The following GPC6 variants were observed in gnomAD, a reference collection of about 807,000 sequenced individuals.
The protein encoded by GPC6 is glypican-6.
GPC6 carries 14 observed loss-of-function variants against 55.2 expected under a neutral mutation model. That is an observed-to-expected ratio of 0.25 (90% CI 0.17 to 0.40). The LOEUF (loss-of-function observed/expected upper bound fraction) is 0.40, where lower values mean the gene tolerates loss of function less well. Ranked by LOEUF, GPC6 falls within the 10% of genes least tolerant of loss-of-function variation. GPC6 has a pLI of 1.00. For missense variants in GPC6, 641 were observed against 708.5 expected, an observed-to-expected ratio of 0.90 and a Z score of 1.08; for synonymous variants, 278 against 259.6, an observed-to-expected ratio of 1.07 and a Z score of -0.68.
At chr13:94,010,956 GCAT>G in intron 3 of GPC6, among the ~76,000 whole-genome samples, 1 of 152,226 alleles carries the variant, frequency 6.6e-6, no homozygotes. Context: ...ATGGACAAGA[GCAT>G]CATATCTGAA....
intron 1 of GPC6, among the ~76,000 whole-genome samples, chr13:93,370,421 A>G (rs189633665): frequency 1.3e-5 from 2 of 152,280 alleles, no homozygotes; most frequent in East Asian, 3.9e-4. Context: ...ACTTGTTAGA[A>G]TCATTGATTT....
intron 1 of GPC6, among the ~76,000 whole-genome samples, chr13:93,537,529 A>G (rs1882108595): frequency 6.7e-6 from 1 of 149,134 alleles, no homozygotes; most frequent in African/African-American, 2.5e-5. Context: ...CCTCTTATCT[A>G]GTCATTTTGT....
chr13:93,799,934 T>C (rs1024100948), intron 2 of GPC6, among the ~76,000 whole-genome samples: 1 of 152,138 alleles, frequency 6.6e-6, no homozygotes, highest in African/African-American at 2.4e-5. Context: ...TACAGAACAT[T>C]TGCATGTGGT....
chr13:94,072,587 C>T (rs1020677534), intron 4 of GPC6, among the ~76,000 whole-genome samples: 3 of 152,208 alleles, frequency 2.0e-5, no homozygotes, highest in Non-Finnish European at 4.4e-5. Flanking sequence ...CTCCTGACCT[C>T]GTGATCTGCC....
At chr13:93,997,634 G>A (rs1018542339) in intron 3 of GPC6, among the ~76,000 whole-genome samples, 2 of 151,206 alleles carry the variant, frequency 1.3e-5, no homozygotes, top group East Asian at 4.1e-4. Context: ...TAAAACCTAG[G>A]AAACTACCAA....
intron 4 of GPC6, among the ~76,000 whole-genome samples, chr13:94,260,919 T>C (rs1304592590): frequency 6.6e-6 from 1 of 151,878 alleles, no homozygotes; most frequent in Non-Finnish European, 1.5e-5. Flanking sequence ...AGAACTAAAA[T>C]AGTGGGTGTA....
At chr13:93,757,284 T>C (rs1884804962) in intron 2 of GPC6, among the ~76,000 whole-genome samples, 1 of 152,054 alleles carries the variant, frequency 6.6e-6, no homozygotes, top group Non-Finnish European at 1.5e-5. Flanking sequence ...ACAGTGGGAA[T>C]GGGAGATTGG....
rs886944973 is a variant in GPC6, at chr13:93,489,378, G to A, written c.161-55885G>A. 1.6e-4 allele frequency among the ~76,000 whole-genome samples: 24 copies of A among 151,460 alleles called. 1 individual carries two copies. The highest frequency in any genetic ancestry group is 1.3e-3 in the East Asian group (6 of 4,540). On this transcript the variant is annotated intron_variant, in intron 1 of 8. Coordinates refer to ENST00000377047, the MANE Select transcript of GPC6 (RefSeq NM_005708.5). Reference sequence around the variant, plus strand: ...ATGCTGTTTTGGTTACTGTAGCCTTGTAGTATAGTTTAAAGACAGGTAGTG... The same window carrying A: ...ATGCTGTTTTGGTTACTGTAGCCTTATAGTATAGTTTAAAGACAGGTAGTG...
intron 1 of GPC6, among the ~76,000 whole-genome samples, chr13:93,267,569 T>C (rs1166427112): frequency 6.6e-6 from 1 of 152,154 alleles, no homozygotes; most frequent in Non-Finnish European, 1.5e-5. Context: ...TGATCTTATA[T>C]AAGTGAAGGC....
chr13:93,717,045 T>C (rs1322330085), intron 2 of GPC6, among the ~76,000 whole-genome samples: 3 of 151,566 alleles, frequency 2.0e-5, no homozygotes, highest in East Asian at 1.9e-4. Flanking sequence ...GGCTACACCA[T>C]CTAGGTTTAT....
At chr13:93,290,646 C>A (rs138946468) in intron 1 of GPC6, among the ~76,000 whole-genome samples, 391 of 152,216 alleles carry the variant, frequency 2.6e-3, no homozygotes, top group Non-Finnish European at 4.7e-3. Flanking sequence ...AAATGCATTT[C>A]ACACCAGACT....
intron 1 of GPC6, among the ~76,000 whole-genome samples, chr13:93,299,202 TAAG>T (rs1878594651): frequency 6.6e-6 from 1 of 152,154 alleles, no homozygotes; most frequent in African/African-American, 2.4e-5. Flanking sequence ...CAAAAATATC[TAAG>T]GAGGGGAATT....
intron 1 of GPC6, among the ~76,000 whole-genome samples, chr13:93,281,659 C>A (rs938534303): frequency 8.6e-5 from 13 of 151,710 alleles, no homozygotes; most frequent in Non-Finnish European, 1.3e-4. Flanking sequence ...GCCAAAGATA[C>A]AAAAAAAATT....
chr13:93,759,678 C>T (rs1398436163), intron 2 of GPC6, among the ~76,000 whole-genome samples: 2 of 152,074 alleles, frequency 1.3e-5, no homozygotes, highest in African/African-American at 4.8e-5. Context: ...TCCTAAATAT[C>T]TTATTTTCAG....
Position 93,912,697 on chromosome 13 carries a change from T to A in GPC6, c.711+82152T>A, listed in dbSNP as rs557091578. Among the ~76,000 whole-genome samples, 4 of 152,134 alleles carry A rather than the reference T, an allele frequency of 2.6e-5. No individual in the cohort carries two copies. The South Asian group carries it at 8.3e-4, about 32-fold the overall frequency. ...GGCAGAGCTTGCAGTGAGCCGAGATTGCGCCACTGCACTCCAGCCTGGGCG... is the reference window on the plus strand; with the variant it reads ...GGCAGAGCTTGCAGTGAGCCGAGATAGCGCCACTGCACTCCAGCCTGGGCG... On this transcript the variant is annotated intron_variant, in intron 3 of 8. Coordinates refer to ENST00000377047, the MANE Select transcript of GPC6 (RefSeq NM_005708.5).
intron 2 of GPC6, among the ~76,000 whole-genome samples, chr13:93,665,497 T>G (rs1881095359): frequency 6.6e-6 from 1 of 152,196 alleles, no homozygotes; most frequent in Non-Finnish European, 1.5e-5. Context: ...TGTATGTGTG[T>G]GTGCATAAAC....
chr13:93,950,107 A>T lies in GPC6; in HGVS notation c.712-77622A>T, dbSNP rs941591725. ...GAGGTGATGGTGGCATAACACTGTG[A>T]TTGCACTTAATGCCATTGAATTGTA... is the stretch of plus-strand genomic sequence containing the variant. On this transcript the variant is annotated intron_variant, in intron 3 of 8. Coordinates refer to ENST00000377047, the MANE Select transcript of GPC6 (RefSeq NM_005708.5). Among the ~76,000 whole-genome samples the T allele has an allele frequency of 2.0e-5, 3 of 152,316 alleles. No homozygotes were observed. The East Asian group carries it at 5.8e-4, about 29-fold the overall frequency.
intron 2 of GPC6, among the ~76,000 whole-genome samples, chr13:93,640,430 A>G (rs981598314): frequency 3.3e-5 from 5 of 152,132 alleles, no homozygotes; most frequent in African/African-American, 1.2e-4. Context: ...GCTTGGAAAG[A>G]ATAAATAACT....
chr13:93,387,759 T>C (rs879791193), intron 1 of GPC6, among the ~76,000 whole-genome samples: 7 of 152,216 alleles, frequency 4.6e-5, no homozygotes, highest in Admixed American at 4.6e-4. Flanking sequence ...TGATGGAGAC[T>C]TTGAAAGAAG....
Sources: allele counts gnomAD v4.1 joint callset (sites outside exome capture counted in the v4.1 genomes callset), GRCh38; gene constraint gnomAD v4.1.1; transcripts MANE v1.5; gene names NCBI Gene and HGNC (gene_info 2026-07-23, HGNC 2026-07-21).